The following MCM3 variants were observed in gnomAD, a reference collection of about 807,000 sequenced individuals.
The protein encoded by MCM3 is minichromosome maintenance complex component 3.
Under a neutral mutation model 91.3 loss-of-function variants are expected in MCM3, and 59 were observed. The observed-to-expected ratio is 0.65, with a 90% CI of 0.52 to 0.80. MCM3 has a LOEUF of 0.80. Among genes scored for constraint, MCM3 ranks in the 30% least tolerant of loss-of-function variants. MCM3 has a pLI of 0.00. For missense variants in MCM3, 919 were observed against 1,035.4 expected (o/e 0.89, Z 1.54); for synonymous variants, 383 against 379.6 (o/e 1.01, Z -0.10).
At chr6:52,277,007 A>G (rs1289210979) in intron 8 of MCM3, 60 bp downstream of exon 8, 2 of 1,566,910 alleles carry the variant, frequency 1.3e-6, no homozygotes, top group Non-Finnish European at 1.7e-6. Context: ...GCCAGGGCAC[A>G]CAAAGGATCT....
chr6:52,273,112 G>C, intron 11 of MCM3, 118 bp downstream of exon 11: 1 of 1,176,916 alleles, frequency 8.5e-7, no homozygotes, highest in Non-Finnish European at 1.2e-6. Context: ...ACGTGGTTAT[G>C]ACTCCAGGCA....
chr6:52,273,084 AAAG>A lies in MCM3; in HGVS notation c.1676+143_1676+145del, dbSNP rs2128278933. The A allele has an allele frequency of 1.3e-5, 12 of 927,126 alleles. No individual in the cohort carries two copies. In the South Asian group the frequency reaches 1.5e-4, roughly 12 times the overall value. 57.4% of individuals were successfully genotyped at this position (927,126 alleles called of 1,614,324 possible). On this transcript the variant is annotated intron_variant, in intron 11 of 16. Coordinates refer to ENST00000596288, the MANE Select transcript of MCM3 (RefSeq NM_002388.6). ...ATAAAGGATATATTGTGGACCCAGA[AAAG>A]AAGAAAATTAATCCACGTGGTTATG...
chr6:52,281,942 C>A (rs529073116), intron 4 of MCM3, 103 bp downstream of exon 4: 4 of 1,203,926 alleles, frequency 3.3e-6, no homozygotes, highest in East Asian at 2.5e-5. Flanking sequence ...TATTTTTCAC[C>A]CTTTACAGAA....
Position 52,264,214 on chromosome 6 carries a change from G to GAAA in MCM3, c.*371_*373dup. 4.2e-6 allele frequency: 1 copy of GAAA among 239,162 alleles called. No individual in the cohort carries two copies. The highest frequency in any genetic ancestry group is 5.4e-5 in the South Asian group (1 of 18,616). The allele number at this position is 239,162 out of a possible 1,614,324, so 14.8% of individuals were successfully genotyped here. On this transcript the variant is annotated 3_prime_UTR_variant, in exon 17 of 17. Coordinates refer to ENST00000596288, the MANE Select transcript of MCM3 (RefSeq NM_002388.6). ...CTAGTCTAGACCAAAGTGCTCTGGAGAAAAAAAACAAAACAAAAAAACAGC... is the reference window on the plus strand; with the variant it reads ...CTAGTCTAGACCAAAGTGCTCTGGAGAAAAAAAAAAACAAAACAAAAAAACAGC...
intron 4 of MCM3, 38 bp from the exon 5 acceptor site, chr6:52,279,637 TCCTGTC>T: frequency 6.8e-7 from 1 of 1,480,450 alleles, no homozygotes; most frequent in Non-Finnish European, 9.3e-7. Context: ...GTGATCTCCG[TCCTGTC>T]TTAAAAATGC....
At chr6:52,279,852 G>A (rs1381214125) in intron 4 of MCM3, among the ~76,000 whole-genome samples, 1 of 152,164 alleles carries the variant, frequency 6.6e-6, no homozygotes, top group Non-Finnish European at 1.5e-5. Flanking sequence ...CCCCTCTAAA[G>A]CTGAATATAT....
rs1000512618 is a variant in MCM3 at position 52,282,693 on chromosome 6, G to T, written c.360C>A (p.Phe120Leu). ...CCTCCACACAGACCACACAGCTGAG[G>T]AAGCAGGAGGTAAGAGTCCGCGGGG... ...HVSPRTLTSCFLSCVVCVEGI... is the reference protein window; with the variant it reads ...HVSPRTLTSCLLSCVVCVEGI... The change falls in exon 3 of 17, where the codon TTC becomes TTA. Residue 120 changes from phenylalanine (F) to leucine (L), a missense_variant. This residue lies in a region of MCM3 where 401 missense variants were observed against 402.7 expected (regional missense o/e 1.00). Coordinates refer to ENST00000596288, the MANE Select transcript of MCM3 (RefSeq NM_002388.6). 8 of 1,613,656 alleles carry T rather than the reference G, an allele frequency of 5.0e-6. No individual in the cohort carries two copies. In the Admixed American group the frequency reaches 1.0e-4, roughly 20 times the overall value.
At position 52,284,723 on chromosome 6, in the gene MCM3, G is replaced by GGAT; in HGVS notation, c.-52_-50dup. The GGAT allele has an allele frequency of 6.4e-7, 1 of 1,574,424 alleles. No individual in the cohort carries two copies. Among genetic ancestry groups the GGAT allele is most frequent in the Non-Finnish European group, 8.6e-7 (1 of 1,161,698 alleles). On this transcript the variant is annotated 5_prime_UTR_variant, in exon 1 of 17. Transcript: ENST00000596288. ...CACCAAAGTCGCGTGGAGGTTCCCA[G>GGAT]GATGACTCCACCCCGGCGCGAAAAC... is the stretch of plus-strand genomic sequence containing the variant.
chr6:52,266,197 T>C, intron 15 of MCM3, 53 bp from the exon 16 acceptor site: 1 of 1,362,294 alleles, frequency 7.3e-7, no homozygotes, highest in African/African-American at 1.4e-5. Flanking sequence ...GGTGAAGCCA[T>C]TTCCACAAAC....
At chr6:52,278,924 A>G in intron 5 of MCM3, 74 bp from the exon 6 acceptor site, 3 of 1,083,856 alleles carry the variant, frequency 2.8e-6, no homozygotes, top group Non-Finnish European at 4.1e-6. Flanking sequence ...CCCTAGCAGG[A>G]GTAAGCCTTT....
rs1764906466 is a variant in MCM3 at position 52,269,283 on chromosome 6, C to T, written c.1828-57G>A. 3 of 1,542,700 alleles carry T rather than the reference C, an allele frequency of 1.9e-6. No individual in the cohort carries two copies. The African/African-American group carries it at 4.1e-5, about 21-fold the overall frequency. On this transcript the variant is annotated intron_variant, in intron 12 of 16. Transcript: ENST00000596288. ...AAGTCTTTTAGGCATGCCCATCAAT[C>T]CTACTGCACAGAAAGGGAAATGACA...
intron 13 of MCM3, among the ~76,000 whole-genome samples, chr6:52,268,767 C>T (rs1228528143): frequency 1.3e-5 from 2 of 149,362 alleles, no homozygotes; most frequent in African/African-American, 4.9e-5. Flanking sequence ...AAAACACCTA[C>T]TTTTTTTTTT....
rs1327072696 is a variant in MCM3 at position 52,283,352 on chromosome 6, A to G, written c.133T>C (p.Tyr45His). 10 of 1,614,046 alleles carry G rather than the reference A, an allele frequency of 6.2e-6. No individual in the cohort carries two copies. Among genetic ancestry groups the G allele is most frequent in the Non-Finnish European group, 7.6e-6 (9 of 1,180,020 alleles). ...KVRELISDNQ[Y>H]RLIVNVNDLR... ...TCATTCACATTGACAATCAGCCGGT[A>G]TTGGTTGTCACTGATCAGCTCCCGA... The change falls in exon 2 of 17, where the codon TAC (tyrosine) becomes CAC (histidine). Residue 45 changes from tyrosine to histidine, a missense_variant. By Grantham distance (83) the Tyr-to-His change is moderately conservative. Around this residue, in one of 3 missense-constraint regions of MCM3, gnomAD observed 401 missense variants for 402.7 expected, o/e 1.00. Transcript: ENST00000596288.
chr6:52,281,443 A>G (rs910751146), intron 4 of MCM3, among the ~76,000 whole-genome samples: 2 of 152,116 alleles, frequency 1.3e-5, no homozygotes, highest in Admixed American at 1.3e-4. Flanking sequence ...TGGAAGATGG[A>G]AGCAGGAGGA....
intron 9 of MCM3, 191 bp downstream of exon 9, chr6:52,276,077 C>T: frequency 1.7e-6 from 1 of 590,644 alleles, no homozygotes; most frequent in South Asian, 2.1e-5. Flanking sequence ...AAGGAACTTT[C>T]CAGGGGATTC....
chr6:52,283,303 C>T lies in MCM3; in HGVS notation c.182G>A (p.Arg61Lys). 6.2e-7 allele frequency: 1 copy of T among 1,613,992 alleles called. No homozygotes were observed. The highest frequency in any genetic ancestry group is 8.5e-7 in the Non-Finnish European group (1 of 1,179,908). ...VNDLRRKNEK[R>K]ANRLLNNAFE... ...TCCCCTTGCCTCTCACCGGTTAGCC[C>T]TCTTCTCGTTTTTCCTGCGCAGGTC... The change falls in exon 2 of 17, where the codon AGG becomes AAG. Residue 61 changes from arginine (R) to lysine (K), a missense_variant. Arg to Lys is a conservative substitution (Grantham distance 26). Coordinates refer to ENST00000596288, the MANE Select transcript of MCM3 (RefSeq NM_002388.6).
chr6:52,282,104 G>T lies in MCM3; in HGVS notation c.472C>A (p.Arg158Ser). 1.9e-6 allele frequency: 3 copies of T among 1,614,028 alleles called. No homozygotes were observed. The highest frequency in any genetic ancestry group is 2.5e-6 in the Non-Finnish European group (3 of 1,179,914). The change falls in exon 4 of 17, where the codon CGT (arginine) becomes AGT (serine). Residue 158 changes from arginine to serine, a missense_variant. Around this residue, in one of 3 missense-constraint regions of MCM3, gnomAD observed 401 missense variants for 402.7 expected, o/e 1.00. Coordinates refer to ENST00000596288, the MANE Select transcript of MCM3 (RefSeq NM_002388.6). ...ACCAGGGTGGTGAGATCAGAATAAC[G>T]TCGCTCTATGGTCTTCTTAGTAGCA... ...CPATKKTIER[R>S]YSDLTTLVAF...
rs1478735324 is a variant in MCM3 at position 52,279,484 on chromosome 6, G to A, written c.647C>T (p.Ser216Phe). ...EKAPAGQLPR[S>F]VDVILDDDLV... is the part of the protein sequence containing the mutation. The stretch of plus-strand genomic sequence containing the variant: ...GTCATCATCCAGAATGACGTCCACA[G>A]AGCGGGGGAGCTGGCCGGCTGGGGC... The change falls in exon 5 of 17, where the codon TCT (serine) becomes TTT (phenylalanine). Residue 216 changes from serine to phenylalanine, a missense_variant. By Grantham distance (155) the Ser-to-Phe change is radical. Transcript: ENST00000596288. 6.2e-7 allele frequency: 1 copy of A among 1,614,078 alleles called. No homozygotes were observed. The highest frequency in any genetic ancestry group is 1.3e-5 in the African/African-American group (1 of 74,918).
At chr6:52,271,110 G>A (rs1470406803) in intron 12 of MCM3, among the ~76,000 whole-genome samples, 4 of 150,812 alleles carry the variant, frequency 2.7e-5, no homozygotes, top group African/African-American at 4.9e-5. Context: ...CCCGGGAGGC[G>A]GAGGTTGCAG....
Sources: allele counts gnomAD v4.1 joint callset (sites outside exome capture counted in the v4.1 genomes callset), GRCh38; gene constraint gnomAD v4.1.1; regional missense constraint gnomAD v4.1.1; transcripts MANE v1.5; gene names NCBI Gene and HGNC (gene_info 2026-07-23, HGNC 2026-07-21).